B3GALNT1: variants seen among roughly 807,000 people sequenced by gnomAD.
The protein encoded by B3GALNT1 is beta-1,3-N-acetylgalactosaminyltransferase 1 (Globoside blood group), also known as UDP-GalNAc:beta-1,3-N-acetylgalactosaminyltransferase 1.
A neutral mutation model predicts 27.3 loss-of-function variants in B3GALNT1; 17 were observed. The ratio of observed to expected loss-of-function variants is 0.62; its 90% CI spans 0.43 to 0.94. B3GALNT1 has a LOEUF of 0.94. Ranked by LOEUF, B3GALNT1 falls within the 40% of genes least tolerant of loss-of-function variation. B3GALNT1 has a pLI of 0.00. For missense variants in B3GALNT1, 347 were observed against 390.0 expected, an observed-to-expected ratio of 0.89 and a Z score of 0.93; for synonymous variants, 141 against 144.0, an observed-to-expected ratio of 0.98 and a Z score of 0.15.
chr3:161,104,228 C>T (rs1733054120), intron 2 of B3GALNT1, 91 bp downstream of exon 2: 1 of 1,050,652 alleles, frequency 9.5e-7, no homozygotes. Context: ...ACTAAGAGCA[C>T]AAATTCAGCG....
rs552338300 is a variant in B3GALNT1 at position 161,084,373 on chromosome 3, C to T, written c.*1386G>A. ...TATAGTTTTAACTGAAGTTGTTTTT[C>T]ATATAGGACAATCATAAATATGAGT... On this transcript the variant is annotated 3_prime_UTR_variant, in exon 5 of 5. Transcript: ENST00000320474. 1.2e-4 allele frequency: 18 copies of T among 152,256 alleles called. No individual in the cohort carries two copies. The highest frequency in any genetic ancestry group is 4.3e-4 in the African/African-American group (18 of 41,542). The allele number at this position is 152,256 out of a possible 1,614,324, so 9.4% of individuals were successfully genotyped here.
chr3:161,086,351 T>C lies in B3GALNT1; in HGVS notation c.404A>G (p.Asp135Gly), dbSNP rs756136988. The C allele has an allele frequency of 6.2e-7, 1 of 1,614,200 alleles. No individual in the cohort carries two copies. The highest frequency in any genetic ancestry group is 1.1e-5 in the South Asian group (1 of 91,084). ...EDKMLALSLE[D>G]EHLLYGDIIR... The stretch of plus-strand genomic sequence containing the variant: ...TATGTCACCATAAAGAAGGTGTTCA[T>C]CCTCTAAGGACAATGCCAACATTTT... Residue 135 changes from aspartate to glycine, a missense_variant, in exon 5 of 5, where the codon GAT (aspartate) becomes GGT (glycine). Transcript: ENST00000320474.
At chr3:161,093,963 GCAAGCCA>G (rs1013295837) in intron 4 of B3GALNT1, among the ~76,000 whole-genome samples, 14 of 152,194 alleles carry the variant, frequency 9.2e-5, no homozygotes, top group African/African-American at 3.4e-4. Flanking sequence ...TGGGTGAACA[GCAAGCCA>G]CCAGTAATTA....
At chr3:161,096,160 T>G (rs528856783) in intron 4 of B3GALNT1, among the ~76,000 whole-genome samples, 121 of 152,374 alleles carry the variant, frequency 7.9e-4, no homozygotes, top group African/African-American at 2.5e-3. Context: ...GCAAATGATT[T>G]GGTAATGTAC....
intron 4 of B3GALNT1, among the ~76,000 whole-genome samples, chr3:161,093,078 T>C (rs1027769965): frequency 1.3e-5 from 2 of 152,086 alleles, no homozygotes; most frequent in Admixed American, 6.6e-5. Flanking sequence ...TTTTCAGCTA[T>C]AAATCAGGCA....
chr3:161,089,911 A>G (rs1369145026), intron 4 of B3GALNT1: 2 of 169,848 alleles, frequency 1.2e-5, no homozygotes, highest in South Asian at 1.0e-4. Flanking sequence ...TCTACTAAAA[A>G]CACAAAAATT....
At chr3:161,102,371 A>G (rs1040092488) in intron 3 of B3GALNT1, among the ~76,000 whole-genome samples, 1 of 152,136 alleles carries the variant, frequency 6.6e-6, no homozygotes, top group African/African-American at 2.4e-5. Context: ...CTCCCCAGCC[A>G]AATCTCCCAA....
chr3:161,102,008 T>C (rs948102456), intron 3 of B3GALNT1, among the ~76,000 whole-genome samples: 4 of 152,182 alleles, frequency 2.6e-5, no homozygotes, highest in Admixed American at 2.0e-4. Context: ...CTATTCAAAA[T>C]GCACAGCTTG....
chr3:161,099,569 AG>A (rs960606982), intron 4 of B3GALNT1, among the ~76,000 whole-genome samples: 2 of 152,214 alleles, frequency 1.3e-5, no homozygotes, highest in African/African-American at 4.8e-5. Flanking sequence ...TCTGGCAGGG[AG>A]GCCAAGTCAT....
At chr3:161,099,413 A>G (rs1224186260) in intron 4 of B3GALNT1, among the ~76,000 whole-genome samples, 3 of 152,196 alleles carry the variant, frequency 2.0e-5, no homozygotes, top group Non-Finnish European at 4.4e-5. Flanking sequence ...TCAGAGTTCG[A>G]AAAACCAGCT....
At chr3:161,104,457 T>C in intron 1 of B3GALNT1, 51 bp from the exon 2 acceptor site, 2 of 872,196 alleles carry the variant, frequency 2.3e-6, no homozygotes, top group Non-Finnish European at 3.2e-6. Flanking sequence ...CAAATCTCCC[T>C]CCTAAATCCA....
intron 4 of B3GALNT1, among the ~76,000 whole-genome samples, chr3:161,096,001 A>C (rs1206547774): frequency 6.6e-6 from 1 of 152,164 alleles, no homozygotes. Context: ...CCCTGTCTAG[A>C]CTTTTAAAAA....
rs1201287316 is a variant in B3GALNT1 at position 161,101,161 on chromosome 3, C to T, written c.-57G>A. 8 of 1,289,652 alleles carry T rather than the reference C, an allele frequency of 6.2e-6. No individual in the cohort carries two copies. In the Admixed American group the frequency reaches 9.2e-5, roughly 15 times the overall value. 79.9% of individuals were successfully genotyped at this position (1,289,652 alleles called of 1,614,324 possible). A position where few individuals can be genotyped will look rare whatever the true frequency, so the allele number is the denominator to read the frequency against. Reference sequence around the variant, plus strand: ...CACCTTTACACTCGGGGTGAGTAGTCGGAGAGCACCACGTGATAGAGCAGC... The same window carrying T: ...CACCTTTACACTCGGGGTGAGTAGTTGGAGAGCACCACGTGATAGAGCAGC... On this transcript the variant is annotated 5_prime_UTR_variant, in exon 4 of 5. Transcript: ENST00000320474.
rs371366576 is a variant in B3GALNT1, at chr3:161,086,230, G to C, written c.525C>G (p.Tyr175Ter). Residue 175 changes from tyrosine to a stop codon, truncating the protein, a stop_gained, in exon 5 of 5, where the codon TAC (tyrosine) becomes TAG (stop). Transcript: ENST00000320474. LOFTEE classifies it high-confidence loss of function. Reference sequence around the variant, plus strand: ...AAACATCAGTGTCTGTCTTCATTACGTACTTGGCATTGGGGCAAAACTCAG... The same window carrying C: ...AAACATCAGTGTCTGTCTTCATTACCTACTTGGCATTGGGGCAAAACTCAG... ...WVTEFCPNAK[Y>*]VMKTDTDVFI... 6.2e-7 allele frequency: 1 copy of C among 1,614,056 alleles called. No homozygotes were observed. Among genetic ancestry groups the C allele is most frequent in the Non-Finnish European group, 8.5e-7 (1 of 1,180,010 alleles).
rs893761727 is a variant in B3GALNT1 at position 161,096,133 on chromosome 3, T to C, written c.-35+5006A>G. ...TGTCTAACACATAGTAGGCTCTCTG[T>C]AATATTTGCATACTTTGCAAATGAT... On this transcript the variant is annotated intron_variant, in intron 4 of 4. Transcript: ENST00000320474. 3.3e-5 allele frequency among the ~76,000 whole-genome samples: 5 copies of C among 152,268 alleles called. No individual in the cohort carries two copies. The East Asian group carries it at 7.7e-4, about 23-fold the overall frequency.
intron 4 of B3GALNT1, among the ~76,000 whole-genome samples, chr3:161,099,119 G>T (rs1729805072): frequency 6.6e-6 from 1 of 152,146 alleles, no homozygotes; most frequent in South Asian, 2.1e-4. Flanking sequence ...TGGACTCTGG[G>T]AATAGTGTTC....
intron 4 of B3GALNT1, among the ~76,000 whole-genome samples, chr3:161,088,263 T>C (rs1187542589): frequency 6.6e-6 from 1 of 152,234 alleles, no homozygotes; most frequent in Non-Finnish European, 1.5e-5. Context: ...CTTTTCTATA[T>C]GTAATGCTTT....
intron 4 of B3GALNT1, among the ~76,000 whole-genome samples, chr3:161,098,235 G>A (rs1035548379): frequency 6.6e-6 from 1 of 152,144 alleles, no homozygotes. Context: ...AGGAGTCAGG[G>A]TGTCAGAGCC....
At chr3:161,100,668 G>A (rs925539598) in intron 4 of B3GALNT1, among the ~76,000 whole-genome samples, 1 of 152,136 alleles carries the variant, frequency 6.6e-6, no homozygotes, top group Non-Finnish European at 1.5e-5. Flanking sequence ...AGGGATTTCT[G>A]GGTTTGGGCT....
Sources: gnomAD v4.1 joint callset for allele counts (sites outside exome capture counted in the v4.1 genomes callset) on GRCh38, gnomAD v4.1.1 for gene constraint, MANE v1.5 for transcripts, NCBI Gene and HGNC (gene_info 2026-07-23, HGNC 2026-07-21) for gene names.